The following CACNA2D3 variants were observed in gnomAD, a reference collection of about 807,000 sequenced individuals.
CACNA2D3 encodes the protein calcium voltage-gated channel auxiliary subunit alpha2delta 3.
A neutral mutation model predicts 160.6 loss-of-function variants in CACNA2D3; 60 were observed. The observed-to-expected ratio is 0.37, with a 90% CI of 0.30 to 0.46. The LOEUF (loss-of-function observed/expected upper bound fraction) is 0.46, where lower values mean the gene tolerates loss of function less well. Ranked by LOEUF, CACNA2D3 falls within the 20% of genes least tolerant of loss-of-function variation. The pLI, the probability that CACNA2D3 is intolerant of heterozygous loss-of-function variation, is 1.00. For synonymous variants in CACNA2D3, 558 were observed against 492.9 expected, an observed-to-expected ratio of 1.13 and a Z score of -1.75; for missense variants, 1,205 against 1,365.0, an observed-to-expected ratio of 0.88 and a Z score of 1.85.
chr3:54,604,384 C>T (rs1703120257), intron 9 of CACNA2D3, among the ~76,000 whole-genome samples: 1 of 152,172 alleles, frequency 6.6e-6, no homozygotes, highest in East Asian at 1.9e-4. Flanking sequence ...CACTGCCAAC[C>T]CTGATCTCAG....
At chr3:54,870,347 C>T (rs765282513) in intron 17 of CACNA2D3, among the ~76,000 whole-genome samples, 3 of 152,174 alleles carry the variant, frequency 2.0e-5, no homozygotes, top group Non-Finnish European at 4.4e-5. Context: ...GGTCTTAAAA[C>T]ACTTAGACTG....
chr3:54,947,794 A>C (rs1701652208), intron 27 of CACNA2D3, among the ~76,000 whole-genome samples: 1 of 152,140 alleles, frequency 6.6e-6, no homozygotes, highest in East Asian at 1.9e-4. Flanking sequence ...AAGCTTTTAT[A>C]ATCATTGCAA....
intron 5 of CACNA2D3, among the ~76,000 whole-genome samples, chr3:54,550,365 C>T (rs1265168229): frequency 6.6e-6 from 1 of 152,172 alleles, no homozygotes; most frequent in Non-Finnish European, 1.5e-5. Context: ...ATAGCCTGGG[C>T]CTTCCCCGGA....
intron 2 of CACNA2D3, among the ~76,000 whole-genome samples, chr3:54,220,781 C>T (rs1030724034): frequency 6.6e-6 from 1 of 152,184 alleles, no homozygotes; most frequent in African/African-American, 2.4e-5. Flanking sequence ...CCTGTCTTCT[C>T]TCCAGAGCCA....
intron 3 of CACNA2D3, among the ~76,000 whole-genome samples, chr3:54,348,464 T>C (rs149489337): frequency 6.6e-6 from 1 of 152,380 alleles, no homozygotes; most frequent in African/African-American, 2.4e-5. Flanking sequence ...TGTTCTGTTA[T>C]CTACAATATT....
chr3:55,057,001 A>G (rs1319204350), intron 35 of CACNA2D3, among the ~76,000 whole-genome samples: 2 of 152,194 alleles, frequency 1.3e-5, no homozygotes, highest in Admixed American at 6.5e-5. Flanking sequence ...TTCTGATATG[A>G]TTTGGCTGTG....
intron 2 of CACNA2D3, among the ~76,000 whole-genome samples, chr3:54,314,125 AG>A (rs977475472): frequency 4.7e-4 from 72 of 152,264 alleles, no homozygotes; most frequent in African/African-American, 1.6e-3. Context: ...CCTCATAGTT[AG>A]GTACCACTTA....
intron 31 of CACNA2D3, among the ~76,000 whole-genome samples, chr3:54,996,952 C>G (rs1267958948): frequency 6.6e-6 from 1 of 152,110 alleles, no homozygotes; most frequent in Non-Finnish European, 1.5e-5. Flanking sequence ...TGTTCTCACT[C>G]ATAATTGGGA....
At chr3:54,122,960 G>T (rs893899650) in intron 1 of CACNA2D3, 125 bp downstream of exon 1, 78 of 918,098 alleles carry the variant, frequency 8.5e-5, no homozygotes, top group Non-Finnish European at 1.0e-4. Context: ...CTCGCCGCTC[G>T]CACCTGCCTT....
chr3:54,160,462 T>A (rs1486484295), intron 2 of CACNA2D3, among the ~76,000 whole-genome samples: 1 of 152,132 alleles, frequency 6.6e-6, no homozygotes, highest in Non-Finnish European at 1.5e-5. Flanking sequence ...ATTGCGCCAC[T>A]GTACTCCAGC....
intron 13 of CACNA2D3, among the ~76,000 whole-genome samples, chr3:54,765,467 C>T (rs548668745): frequency 1.3e-5 from 2 of 152,198 alleles, no homozygotes; most frequent in Non-Finnish European, 2.9e-5. Flanking sequence ...CAGCTTGAGT[C>T]TGTCCCCAGT....
At chr3:54,266,161 C>T (rs1157572029) in intron 2 of CACNA2D3, among the ~76,000 whole-genome samples, 1 of 152,020 alleles carries the variant, frequency 6.6e-6, no homozygotes, top group Admixed American at 6.6e-5. Context: ...CCTGGTTTGG[C>T]CTGAGCTTTG....
intron 18 of CACNA2D3, among the ~76,000 whole-genome samples, chr3:54,872,964 G>A (rs576525582): frequency 1.4e-4 from 22 of 152,122 alleles, no homozygotes; most frequent in African/African-American, 3.6e-4. Flanking sequence ...CTGGCTTAGC[G>A]CAATTGTGAG....
intron 9 of CACNA2D3, among the ~76,000 whole-genome samples, chr3:54,605,709 C>T (rs1331323278): frequency 3.3e-5 from 5 of 152,182 alleles, no homozygotes; most frequent in Non-Finnish European, 7.3e-5. Context: ...TCTCATTTTC[C>T]AGTATGTAGA....
chr3:54,146,720 TA>T (rs1356032659), intron 2 of CACNA2D3, among the ~76,000 whole-genome samples: 1 of 152,210 alleles, frequency 6.6e-6, no homozygotes, highest in Non-Finnish European at 1.5e-5. Context: ...CAGAACGTCT[TA>T]GGGGGAGGCC....
At chr3:55,029,343 G>C (rs1354895469) in intron 35 of CACNA2D3, among the ~76,000 whole-genome samples, 1 of 152,120 alleles carries the variant, frequency 6.6e-6, no homozygotes, top group Non-Finnish European at 1.5e-5. Flanking sequence ...CATAGTCCAT[G>C]CCTCTTAGGA....
At chr3:54,620,391 T>C (rs530338816) in intron 9 of CACNA2D3, among the ~76,000 whole-genome samples, 49 of 152,200 alleles carry the variant, frequency 3.2e-4, no homozygotes, top group Admixed American at 5.9e-4. Context: ...TGAGGATACC[T>C]GCACTGTAGC....
chr3:54,191,397 A>ACATCAT (rs10533577), intron 2 of CACNA2D3, among the ~76,000 whole-genome samples: 3,780 of 150,010 alleles, frequency 0.025, 140 homozygotes, highest in East Asian at 0.18. Context: ...TAAAACATCA[A>ACATCAT]CATCATCATC....
intron 14 of CACNA2D3, among the ~76,000 whole-genome samples, chr3:54,835,878 C>T (rs1288015650): frequency 6.6e-6 from 1 of 152,192 alleles, no homozygotes; most frequent in Non-Finnish European, 1.5e-5. Flanking sequence ...CCTTTGAGCA[C>T]TTCCATATGC....
Sources: allele counts gnomAD v4.1 joint callset (sites outside exome capture counted in the v4.1 genomes callset), GRCh38; gene constraint gnomAD v4.1.1; transcripts MANE v1.5; gene names NCBI Gene and HGNC (gene_info 2026-07-23, HGNC 2026-07-21).